Variants in TIMM8B observed in about 807,000 individuals in gnomAD.
TIMM8B encodes the protein mitochondrial import inner membrane translocase subunit Tim8 B.
TIMM8B carries 5 observed loss-of-function variants against 8.5 expected under a neutral mutation model. The ratio of observed to expected loss-of-function variants is 0.59; its 90% CI spans 0.31 to 1.24. TIMM8B has a LOEUF of 1.24. Ranked by LOEUF, TIMM8B falls within the 50% of genes most tolerant of loss-of-function variation. The probability of loss-of-function intolerance (pLI) is 0.07; values close to 1 mark genes in which losing one functional copy is unlikely to be tolerated. For missense variants in TIMM8B, 104 were observed against 109.2 expected (o/e 0.95, Z 0.21); for synonymous variants, 44 against 39.9 (o/e 1.10, Z -0.39).
chr11:112,085,957 A>G (rs757528261), intron 1 of TIMM8B: 9 of 1,059,240 alleles, frequency 8.5e-6, no homozygotes, highest in Non-Finnish European at 1.0e-5. Context: ...AAAGGAAAAA[A>G]CCATTTTACC....
At position 112,084,887 on chromosome 11, in the gene TIMM8B, CA is replaced by C. The variant is rs1865551048; in HGVS notation, c.*407del. ...TTTTGTTCTTCATCTTTCTTAACCCCAAATTTTCTTCTATGCCTTAGGCTTC... is the reference window on the plus strand; with the variant it reads ...TTTTGTTCTTCATCTTTCTTAACCCCAATTTTCTTCTATGCCTTAGGCTTC... On this transcript the variant is annotated 3_prime_UTR_variant, in exon 2 of 2. Transcript: ENST00000504148. 6.5e-6 allele frequency: 1 copy of C among 154,446 alleles called. No homozygotes were observed. The highest frequency in any genetic ancestry group is 1.9e-4 in the East Asian group (1 of 5,138). 9.6% of individuals were successfully genotyped at this position (154,446 alleles called of 1,614,324 possible). A position where few individuals can be genotyped will look rare whatever the true frequency, so the allele number is the denominator to read the frequency against.
rs1296629890 is a variant in TIMM8B, at chr11:112,086,629, C to T, written c.84+11G>A. 1.9e-6 allele frequency: 3 copies of T among 1,584,436 alleles called. No individual in the cohort carries two copies. Among genetic ancestry groups the T allele is most frequent in the Non-Finnish European group, 2.6e-6 (3 of 1,170,600 alleles). ...AAACTTCCTTTCCCTTCACCCTCCC[C>T]GTCCCCGCACCTGTGCAGTAAACTG... On this transcript the variant is annotated intron_variant, in intron 1 of 1. Transcript: ENST00000504148.
intron 1 of TIMM8B, chr11:112,086,172 G>C: frequency 1.7e-6 from 1 of 601,618 alleles, no homozygotes; most frequent in Non-Finnish European, 2.8e-6. Context: ...GACTACTTCA[G>C]AGTCCACCTT....
Position 112,084,949 on chromosome 11 carries a change from T to C in TIMM8B, c.*346A>G, listed in dbSNP as rs1417199134. ...CCAACCCCCTTAATATGGCTTAGGG[T>C]GGTTTTTCAAAACCTACAATCCCCC... is the stretch of plus-strand genomic sequence containing the variant. On this transcript the variant is annotated 3_prime_UTR_variant, in exon 2 of 2. Transcript: ENST00000504148. The C allele has an allele frequency of 5.5e-6, 1 of 181,064 alleles. No homozygotes were observed. Among genetic ancestry groups the C allele is most frequent in the East Asian group, 1.4e-4 (1 of 7,078 alleles). 11.2% of individuals were successfully genotyped at this position (181,064 alleles called of 1,614,324 possible). A position where few individuals can be genotyped will look rare whatever the true frequency, so the allele number is the denominator to read the frequency against.
At position 112,086,612 on chromosome 11, in the gene TIMM8B, T is replaced by C. The variant is rs375164166; in HGVS notation, c.84+28A>G. On this transcript the variant is annotated intron_variant, in intron 1 of 1. Coordinates refer to ENST00000504148, the MANE Select transcript of TIMM8B (RefSeq NM_012459.4). ...GACCACCAAGGAAGGTGAAACTTCC[T>C]TTCCCTTCACCCTCCCCGTCCCCGC... 1.6e-4 allele frequency: 248 copies of C among 1,556,132 alleles called. 1 individual carries two copies. In the African/African-American group the frequency reaches 3.2e-3, roughly 20 times the overall value.
chr11:112,085,851 C>G (rs1279182507), intron 1 of TIMM8B: 5 of 290,400 alleles, frequency 1.7e-5, no homozygotes, highest in Admixed American at 5.2e-5. Context: ...CATACAGGCA[C>G]AGAAATTATG....
At chr11:112,085,496 C>G (rs1865575457) in intron 1 of TIMM8B, 34 bp from the exon 2 acceptor site, 1 of 1,575,812 alleles carries the variant, frequency 6.3e-7, no homozygotes, top group Admixed American at 1.8e-5. Context: ...CCATTGGGGT[C>G]TGCAGATAGG....
intron 1 of TIMM8B, 181 bp downstream of exon 1, chr11:112,086,459 T>C: frequency 1.1e-6 from 1 of 942,398 alleles, no homozygotes; most frequent in Non-Finnish European, 1.6e-6. Context: ...CTTATATACC[T>C]GGCACCTGAG....
chr11:112,085,924 G>T, intron 1 of TIMM8B: 2 of 854,814 alleles, frequency 2.3e-6, no homozygotes, highest in Non-Finnish European at 2.9e-6. Context: ...CTGGTCATCC[G>T]AGCACCCTCT....
intron 1 of TIMM8B, 194 bp downstream of exon 1, chr11:112,086,446 A>G (rs1206549945): frequency 1.1e-6 from 1 of 876,476 alleles, no homozygotes; most frequent in Admixed American, 2.0e-5. Context: ...TCTCCACGCT[A>G]CGCTTATATA....
At position 112,086,561 on chromosome 11, in the gene TIMM8B, G is replaced by C. The variant is rs1380272589; in HGVS notation, c.84+79C>G. On this transcript the variant is annotated intron_variant, in intron 1 of 1. Transcript: ENST00000504148. ...GGGATCGAGCACCAGTGAGCCGCCAGTGTACAGACCTCCGAGCGTGCCCAG... is the reference window on the plus strand; with the variant it reads ...GGGATCGAGCACCAGTGAGCCGCCACTGTACAGACCTCCGAGCGTGCCCAG... 14 of 1,482,406 alleles carry C rather than the reference G, an allele frequency of 9.4e-6. 1 individual carries two copies. Among genetic ancestry groups the C allele is most frequent in the Admixed American group, 8.9e-5 (4 of 44,942 alleles). The allele number at this position is 1,482,406 out of a possible 1,614,324, so 91.8% of individuals were successfully genotyped here. A position where few individuals can be genotyped will look rare whatever the true frequency, so the allele number is the denominator to read the frequency against.
rs1182423511 is a variant in TIMM8B, at chr11:112,084,845, TAAGC to T, written c.*446_*449del. On this transcript the variant is annotated 3_prime_UTR_variant, in exon 2 of 2. Coordinates refer to ENST00000504148, the MANE Select transcript of TIMM8B (RefSeq NM_012459.4). ...ATGTTTTCCTTTTCTTGGTCATGTATAAGCAATAAAGCTGTTTTTTGTTCTTCAT... is the reference window on the plus strand; with the variant it reads ...ATGTTTTCCTTTTCTTGGTCATGTATAATAAAGCTGTTTTTTGTTCTTCAT... The T allele has an allele frequency of 6.6e-6, 1 of 151,096 alleles. No homozygotes were observed. The highest frequency in any genetic ancestry group is 2.4e-5 in the African/African-American group (1 of 40,926). The allele number at this position is 151,096 out of a possible 1,614,324, so 9.4% of individuals were successfully genotyped here.
chr11:112,086,596 G>A, intron 1 of TIMM8B, 44 bp downstream of exon 1: 1 of 1,526,640 alleles, frequency 6.6e-7, no homozygotes, highest in Non-Finnish European at 8.8e-7. Context: ...GGACCACCAA[G>A]GAAGGTGAAA....
At position 112,086,672 on chromosome 11, in the gene TIMM8B, C is replaced by T. The variant is rs1168399647; in HGVS notation, c.52G>A (p.Ala18Thr). ...DEAELQRLVA[A>T]EQQKAQFTAQ... Reference sequence around the variant, plus strand: ...GTAAACTGCGCCTTCTGCTGCTCGGCGGCCACCAGGCGCTGCAACTCCGCT... The same window carrying T: ...GTAAACTGCGCCTTCTGCTGCTCGGTGGCCACCAGGCGCTGCAACTCCGCT... Residue 18 changes from alanine (A) to threonine (T), a missense_variant, in exon 1 of 2, where the codon GCC (alanine) becomes ACC (threonine). Transcript: ENST00000504148. 6.2e-6 allele frequency: 10 copies of T among 1,601,832 alleles called. No individual in the cohort carries two copies. Among genetic ancestry groups the T allele is most frequent in the Middle Eastern group, 1.6e-4 (1 of 6,082 alleles).
rs1016677630 is a variant in TIMM8B at position 112,084,815 on chromosome 11, T to C, written c.*480A>G. The C allele has an allele frequency of 6.6e-6, 1 of 152,056 alleles. No homozygotes were observed. The highest frequency in any genetic ancestry group is 1.5e-5 in the Non-Finnish European group (1 of 67,928). 9.4% of individuals were successfully genotyped at this position (152,056 alleles called of 1,614,324 possible). A position where few individuals can be genotyped will look rare whatever the true frequency, so the allele number is the denominator to read the frequency against. On this transcript the variant is annotated 3_prime_UTR_variant, in exon 2 of 2. Coordinates refer to ENST00000504148, the MANE Select transcript of TIMM8B (RefSeq NM_012459.4). ...ACATCTTGCCTTTTTTTTTTTTTTT[T>C]TGCCATGTTTTCCTTTTCTTGGTCA...
intron 1 of TIMM8B, chr11:112,086,179 C>T (rs1865593069): frequency 1.7e-6 from 1 of 573,444 alleles, no homozygotes; most frequent in South Asian, 1.5e-5. Flanking sequence ...TCAGAGTCCA[C>T]CTTCCTCCGA....
intron 1 of TIMM8B, 65 bp downstream of exon 1, chr11:112,086,575 G>T: frequency 2.0e-6 from 3 of 1,495,998 alleles, no homozygotes; most frequent in South Asian, 2.6e-5. Flanking sequence ...ACAGACCTCC[G>T]AGCGTGCCCA....
rs893335072 is a variant in TIMM8B, at chr11:112,085,923, C to T, written c.85-461G>A. The T allele has an allele frequency of 2.6e-5, 22 of 855,426 alleles. 1 individual carries two copies. The highest frequency in any genetic ancestry group is 2.3e-4 in the Admixed American group (5 of 21,278). 53.0% of individuals were successfully genotyped at this position (855,426 alleles called of 1,614,324 possible). On this transcript the variant is annotated intron_variant, in intron 1 of 1. Transcript: ENST00000504148. ...CTAGCCAGGGTTCTTGCTGGTCATCCGAGCACCCTCTTCCTCCCACCCAAA... is the reference window on the plus strand; with the variant it reads ...CTAGCCAGGGTTCTTGCTGGTCATCTGAGCACCCTCTTCCTCCCACCCAAA...
intron 1 of TIMM8B, 79 bp downstream of exon 1, chr11:112,086,561 G>A: frequency 6.7e-7 from 1 of 1,482,524 alleles, no homozygotes; most frequent in East Asian, 2.5e-5. Context: ...TGAGCCGCCA[G>A]TGTACAGACC....
Sources: allele counts gnomAD v4.1 joint callset, GRCh38; gene constraint gnomAD v4.1.1; transcripts MANE v1.5; gene names NCBI Gene and HGNC (gene_info 2026-07-23, HGNC 2026-07-21).